SRSF2: variants seen among roughly 807,000 people sequenced by gnomAD.
SRSF2 encodes serine and arginine rich splicing factor 2, also known as serine/arginine-rich splicing factor 2.
A neutral mutation model predicts 15.7 loss-of-function variants in SRSF2; 4 were observed. That is an observed-to-expected ratio of 0.26 (90% CI 0.13 to 0.58). SRSF2 has a LOEUF of 0.58. Ranked by LOEUF, SRSF2 falls within the 20% of genes least tolerant of loss-of-function variation. The pLI, the probability that SRSF2 is intolerant of heterozygous loss-of-function variation, is 0.90. For synonymous variants in SRSF2, 192 were observed against 138.9 expected, an observed-to-expected ratio of 1.38 and a Z score of -2.69; for missense variants, 147 against 332.4, an observed-to-expected ratio of 0.44 and a Z score of 4.34.
At position 76,737,297 on chromosome 17, in the gene SRSF2, C is replaced by T. The variant is rs1015554500; in HGVS notation, c.-137G>A. ...AGGCCTTGCCGCAGAACAGCACGGA[C>T]GGGCTCCGCAGGCTAGCGCACCTGA... On this transcript the variant is annotated 5_prime_UTR_variant, in exon 1 of 3. Transcript: ENST00000359995. 1.5e-5 allele frequency: 19 copies of T among 1,247,712 alleles called. No homozygotes were observed. The highest frequency in any genetic ancestry group is 3.0e-5 in the African/African-American group (2 of 65,724). 77.3% of individuals were successfully genotyped at this position (1,247,712 alleles called of 1,614,324 possible).
rs980374717 is a variant in SRSF2, at chr17:76,734,473, G to A, written c.*693C>T. ...AAGGCATCTTTACACAGGAGCAATC[G>A]GGAGAAAACAGGAAACAGCCAAGCA... On this transcript the variant is annotated 3_prime_UTR_variant, in exon 3 of 3. Coordinates refer to ENST00000359995, the MANE Select transcript of SRSF2 (RefSeq NM_001195427.2). 1.2e-5 allele frequency: 3 copies of A among 240,922 alleles called. No individual in the cohort carries two copies. The highest frequency in any genetic ancestry group is 6.2e-5 in the East Asian group (1 of 16,174). The allele number at this position is 240,922 out of a possible 1,614,324, so 14.9% of individuals were successfully genotyped here.
Position 76,734,962 on chromosome 17 carries a change from A to G in SRSF2, c.*204T>C. 4.4e-6 allele frequency: 1 copy of G among 227,120 alleles called. No homozygotes were observed. The highest frequency in any genetic ancestry group is 9.0e-6 in the Non-Finnish European group (1 of 111,614). The allele number at this position is 227,120 out of a possible 1,614,324, so 14.1% of individuals were successfully genotyped here. A position where few individuals can be genotyped will look rare whatever the true frequency, so the allele number is the denominator to read the frequency against. On this transcript the variant is annotated 3_prime_UTR_variant, in exon 3 of 3. Transcript: ENST00000359995. ...GTCGTTCACCTCACTAAATTACAAGAAATTTGAATAACAGCAACAAAATGG... is the reference window on the plus strand; with the variant it reads ...GTCGTTCACCTCACTAAATTACAAGGAATTTGAATAACAGCAACAAAATGG...
chr17:76,735,919 AAT>A (rs1374174604), intron 2 of SRSF2: 2 of 615,916 alleles, frequency 3.2e-6, no homozygotes, highest in Admixed American at 2.7e-5. Flanking sequence ...AACAGCAAGA[AAT>A]AGTCATTTTC....
At chr17:76,735,939 G>A in intron 2 of SRSF2, 2 of 618,146 alleles carry the variant, frequency 3.2e-6, no homozygotes, top group South Asian at 1.9e-5. Context: ...TTCATTAATA[G>A]GTCTCAAACA....
chr17:76,737,187 G>T lies in SRSF2; in HGVS notation c.-27C>A. The T allele has an allele frequency of 6.6e-7, 1 of 1,517,712 alleles. No individual in the cohort carries two copies. The allele number at this position is 1,517,712 out of a possible 1,614,324, so 94.0% of individuals were successfully genotyped here. ...GCTCTGAGTGGCGGCCCGGAGCCCC[G>T]CGAACTGGCGCCGGCTTCCTCAGCT... On this transcript the variant is annotated 5_prime_UTR_variant, in exon 1 of 3. Coordinates refer to ENST00000359995, the MANE Select transcript of SRSF2 (RefSeq NM_001195427.2).
chr17:76,737,350 T>C, upstream of SRSF2: 1 of 711,766 alleles, frequency 1.4e-6, no homozygotes, highest in Admixed American at 3.1e-5. Flanking sequence ...AGCCGGCCTC[T>C]GCGCCCGTTT....
rs1159844361 is a variant in SRSF2, at chr17:76,737,300, G to A, written c.-140C>T. Reference sequence around the variant, plus strand: ...CCTTGCCGCAGAACAGCACGGACGGGCTCCGCAGGCTAGCGCACCTGAGTA... The same window carrying A: ...CCTTGCCGCAGAACAGCACGGACGGACTCCGCAGGCTAGCGCACCTGAGTA... On this transcript the variant is annotated 5_prime_UTR_variant, in exon 1 of 3. Transcript: ENST00000359995. 17 of 1,199,736 alleles carry A rather than the reference G, an allele frequency of 1.4e-5. No individual in the cohort carries two copies. The highest frequency in any genetic ancestry group is 2.9e-5 in the Admixed American group (1 of 34,264). 74.3% of individuals were successfully genotyped at this position (1,199,736 alleles called of 1,614,324 possible).
At chr17:76,736,661 C>T in intron 1 of SRSF2, 138 bp downstream of exon 1, 6 of 1,204,662 alleles carry the variant, frequency 5.0e-6, no homozygotes, top group Non-Finnish European at 5.3e-6. Flanking sequence ...GCGGGGTGGC[C>T]GGAGGGTCGC....
At position 76,734,852 on chromosome 17, in the gene SRSF2, G is replaced by A. The variant is rs2077387923; in HGVS notation, c.*314C>T. On this transcript the variant is annotated 3_prime_UTR_variant, in exon 3 of 3. Transcript: ENST00000359995. ...AGGCCACAAATTAGGTTACCAATCT[G>A]TTTAATTTCAAACAAAAAAAGTCAG... 2 of 239,098 alleles carry A rather than the reference G, an allele frequency of 8.4e-6. No homozygotes were observed. The highest frequency in any genetic ancestry group is 1.8e-5 in the Non-Finnish European group (2 of 112,682). The allele number at this position is 239,098 out of a possible 1,614,324, so 14.8% of individuals were successfully genotyped here. A position where few individuals can be genotyped will look rare whatever the true frequency, so the allele number is the denominator to read the frequency against.
chr17:76,734,718 C>G lies in SRSF2; in HGVS notation c.*448G>C. On this transcript the variant is annotated 3_prime_UTR_variant, in exon 3 of 3. Coordinates refer to ENST00000359995, the MANE Select transcript of SRSF2 (RefSeq NM_001195427.2). ...GGTAAATAACATATACAAATTTACA[C>G]CAACTTTTGTAGGTTTTTAATTTTA... is the stretch of plus-strand genomic sequence containing the variant. The G allele has an allele frequency of 4.2e-6, 1 of 235,966 alleles. No homozygotes were observed. Among genetic ancestry groups the G allele is most frequent in the Non-Finnish European group, 8.9e-6 (1 of 112,028 alleles). The allele number at this position is 235,966 out of a possible 1,614,324, so 14.6% of individuals were successfully genotyped here.
chr17:76,737,344 G>A (rs1231964625), upstream of SRSF2: 14 of 754,468 alleles, frequency 1.9e-5, no homozygotes, highest in Non-Finnish European at 2.8e-5. Flanking sequence ...GCGGGCAGCC[G>A]GCCTCTGCGC....
chr17:76,736,338 G>A lies in SRSF2; in HGVS notation c.489C>T (p.Ser163=). 1 of 1,614,120 alleles carries A rather than the reference G, an allele frequency of 6.2e-7. No individual in the cohort carries two copies. The highest frequency in any genetic ancestry group is 8.5e-7 in the Non-Finnish European group (1 of 1,180,004). The part of the protein sequence containing the change: ...TRSRSRSTSK[S]RSARRSKSKS... ...TGGACTTGGACCTTCGTGCGGATCT[G>A]GACTTGGAGGTCGACCGAGATCGAG... is the stretch of plus-strand genomic sequence containing the variant. Residue 163 remains serine, a synonymous_variant, in exon 2 of 3, where the codon TCC becomes TCT. Transcript: ENST00000359995.
At position 76,736,249 on chromosome 17, in the gene SRSF2, G is replaced by A. The variant is rs759553108; in HGVS notation, c.578C>T (p.Pro193Leu). The A allele has an allele frequency of 1.2e-5, 20 of 1,614,050 alleles. No individual in the cohort carries two copies. In the Admixed American group the frequency reaches 3.0e-4, roughly 24 times the overall value. ...SRSRSRSRSP[P>L]PVSKRESKSR... ...TTTGGATTCCCTCTTGGACACTGGG[G>A]GAGGACTCCTGGACCGAGACCGGGA... Residue 193 changes from proline (P) to leucine (L), a missense_variant, in exon 2 of 3, where the codon CCC (proline) becomes CTC (leucine). By Grantham distance (98) the Pro-to-Leu change is moderately conservative (BLOSUM62 -3). This residue lies in a region of SRSF2 where 125 missense variants were observed against 185.1 expected (regional missense o/e 0.68). Transcript: ENST00000359995.
intron 2 of SRSF2, 69 bp downstream of exon 2, chr17:76,736,085 A>G: frequency 6.9e-7 from 1 of 1,450,568 alleles, no homozygotes; most frequent in Non-Finnish European, 9.3e-7. Context: ...CATTAACACG[A>G]CTCAAAAAGA....
intron 1 of SRSF2, 95 bp from the exon 2 acceptor site, chr17:76,736,559 G>A (rs754830314): frequency 1.4e-6 from 2 of 1,384,538 alleles, no homozygotes; most frequent in Non-Finnish European, 1.9e-6. Flanking sequence ...TTATCTCGCC[G>A]CCAGACGCCA....
At chr17:76,736,132 G>A (rs2077454930) in intron 2 of SRSF2, 22 bp downstream of exon 2, 2 of 1,567,292 alleles carry the variant, frequency 1.3e-6, no homozygotes, top group Non-Finnish European at 1.7e-6. Flanking sequence ...AGGGTTATGT[G>A]TCTCGGATTC....
rs1180884065 is a variant in SRSF2, at chr17:76,736,179, T to C, written c.648A>G (p.Glu216=). 1 of 1,610,618 alleles carries C rather than the reference T, an allele frequency of 6.2e-7. No individual in the cohort carries two copies. Among genetic ancestry groups the C allele is most frequent in the African/African-American group, 1.3e-5 (1 of 74,784 alleles). The change falls in exon 2 of 3, where the codon GAA becomes GAG. Residue 216 remains glutamate (E), a synonymous_variant. Transcript: ENST00000359995. Reference sequence around the variant, plus strand: ...CATTTTCTTAAGAGGACACCGCTCCTTCCTCTTCAGGAGACTTGGGGGGAC... The same window carrying C: ...CATTTTCTTAAGAGGACACCGCTCCCTCCTCTTCAGGAGACTTGGGGGGAC... ...SKSPPKSPEE[E]GAVSS is the part of the protein sequence containing the mutation.
rs773650940 is a variant in SRSF2 at position 76,736,999 on chromosome 17, G to C, written c.162C>G (p.Ser54=). The C allele has an allele frequency of 1.9e-6, 3 of 1,613,368 alleles. No homozygotes were observed. The highest frequency in any genetic ancestry group is 1.6e-4 in the Middle Eastern group (1 of 6,082). The change falls in exon 1 of 3, where the codon TCC becomes TCG. Residue 54 remains serine, a synonymous_variant. Coordinates refer to ENST00000359995, the MANE Select transcript of SRSF2 (RefSeq NM_001195427.2). ...YIPRDRYTKE[S]RGFAFVRFHD... is the part of the protein sequence containing the mutation. ...GAAAGCGAACGAAGGCGAAGCCGCG[G>C]GACTCCTTGGTGTAGCGGTCCCGCG...
At chr17:76,735,760 T>C in intron 2 of SRSF2, 1 of 350,198 alleles carries the variant, frequency 2.9e-6, no homozygotes, top group Non-Finnish European at 5.5e-6. Context: ...TCTTTAACAT[T>C]TAAAGACAAA....
Sources: gnomAD v4.1 joint callset for allele counts on GRCh38, gnomAD v4.1.1 for gene constraint, gnomAD v4.1.1 regional missense constraint, MANE v1.5 for transcripts, NCBI Gene and HGNC (gene_info 2026-07-23, HGNC 2026-07-21) for gene names.